HLCS: variants seen among roughly 807,000 people sequenced by gnomAD.
The protein encoded by HLCS is biotin--protein ligase.
A neutral mutation model predicts 75.0 loss-of-function variants in HLCS; 53 were observed. The ratio of observed to expected loss-of-function variants is 0.71; its 90% confidence interval spans 0.57 to 0.89. The LOEUF is 0.89. Ranked by LOEUF, HLCS falls within the 40% of genes least tolerant of loss-of-function variation. HLCS has a pLI of 0.00. For missense variants in HLCS, 966 were observed against 1,074.0 expected (o/e 0.90, Z 1.41); for synonymous variants, 431 against 428.6 (o/e 1.01, Z -0.07).
intron 6 of HLCS, among the ~76,000 whole-genome samples, chr21:36,878,011 T>C (rs1057340644): frequency 3.3e-5 from 5 of 152,154 alleles, no homozygotes; most frequent in African/African-American, 1.2e-4. Context: ...GTACTTGTTT[T>C]TTTTTTTAAT....
chr21:36,954,695 GTGTTTTCTA>G, intron 2 of HLCS, among the ~76,000 whole-genome samples: 1 of 152,168 alleles, frequency 6.6e-6, no homozygotes, highest in Admixed American at 6.5e-5. Flanking sequence ...ACTGGTTTAT[GTGTTTTCTA>G]TGTTTTCTAT....
chr21:36,760,522 A>G (rs2089792073), intron 8 of HLCS, among the ~76,000 whole-genome samples: 1 of 151,648 alleles, frequency 6.6e-6, no homozygotes, highest in Admixed American at 6.6e-5. Context: ...AGGCAGGAGA[A>G]TTGTGCGAAC....
At chr21:36,883,596 C>T (rs1180708268) in intron 6 of HLCS, among the ~76,000 whole-genome samples, 2 of 152,222 alleles carry the variant, frequency 1.3e-5, no homozygotes, top group Admixed American at 1.3e-4. Flanking sequence ...AGATTTCTTA[C>T]TGCATCAGAA....
At chr21:36,762,205 C>T (rs1015494914) in intron 8 of HLCS, among the ~76,000 whole-genome samples, 3 of 152,186 alleles carry the variant, frequency 2.0e-5, no homozygotes, top group Admixed American at 6.5e-5. Flanking sequence ...CAAAGCCACA[C>T]GTGGTGGATA....
chr21:36,980,207 A>AAAT (rs1407023668), intron 1 of HLCS, among the ~76,000 whole-genome samples: 1 of 151,498 alleles, frequency 6.6e-6, no homozygotes, highest in Non-Finnish European at 1.5e-5. Flanking sequence ...AAAAAAAAAA[A>AAAT]AAATAGGAAG....
chr21:36,892,862 A>C (rs2064850650), intron 6 of HLCS, among the ~76,000 whole-genome samples: 1 of 152,212 alleles, frequency 6.6e-6, no homozygotes, highest in East Asian at 1.9e-4. Flanking sequence ...TCAATTGCTG[A>C]AGAAATGATA....
intron 6 of HLCS, among the ~76,000 whole-genome samples, chr21:36,806,438 T>C (rs1225116847): frequency 1.3e-5 from 2 of 152,062 alleles, no homozygotes; most frequent in Non-Finnish European, 2.9e-5. Flanking sequence ...CACATCTTTC[T>C]ACAACTTTTG....
In HLCS at chr21:36,896,883, G is replaced by A. The variant is rs769822408; in HGVS notation, c.1869C>T (p.Pro623=). The A allele has an allele frequency of 6.2e-7, 1 of 1,614,120 alleles. No individual in the cohort carries two copies. Residue 623 remains proline, a synonymous_variant, in exon 6 of 11, where the codon CCC becomes CCT. Coordinates refer to ENST00000674895, the MANE Select transcript of HLCS (RefSeq NM_001352514.2). ...ACCCATCCAGGAGACGCATCGTTGT[G>A]GGGGTCACTTCGGCAAACAAAATTA... ...GKVILFAEVT[P]TTMRLLDGLM... is the part of the protein sequence containing the mutation.
At chr21:36,976,204 T>C (rs73901992) in intron 1 of HLCS, among the ~76,000 whole-genome samples, 4,945 of 152,210 alleles carry the variant, frequency 0.032, 193 homozygotes, top group African/African-American at 0.092. Context: ...CCAGGTCAGT[T>C]GAACAGGCCG....
intron 6 of HLCS, among the ~76,000 whole-genome samples, chr21:36,886,160 C>A (rs979779893): frequency 6.6e-6 from 1 of 151,782 alleles, no homozygotes; most frequent in African/African-American, 2.4e-5. Flanking sequence ...GGCCAGGCAC[C>A]GTGGCTCAGG....
intron 5 of HLCS, among the ~76,000 whole-genome samples, chr21:36,909,859 G>A (rs1051086439): frequency 6.6e-6 from 1 of 152,142 alleles, no homozygotes; most frequent in Non-Finnish European, 1.5e-5. Context: ...TGTATGTTTT[G>A]GAGCTTCTTT....
intron 5 of HLCS, among the ~76,000 whole-genome samples, chr21:36,901,246 A>AT (rs1378929424): frequency 2.0e-5 from 3 of 151,928 alleles, no homozygotes; most frequent in African/African-American, 7.3e-5. Flanking sequence ...CGGTCTCAAA[A>AT]TTTTTTTTAA....
chr21:36,967,190 C>G (rs1309286072), upstream of HLCS, among the ~76,000 whole-genome samples: 1 of 152,110 alleles, frequency 6.6e-6, no homozygotes, highest in Non-Finnish European at 1.5e-5. Flanking sequence ...CCGGGAGTCC[C>G]AGAGCGCTCC....
intron 2 of HLCS, among the ~76,000 whole-genome samples, chr21:36,942,381 A>T (rs2067184610): frequency 7.0e-6 from 1 of 143,302 alleles, no homozygotes; most frequent in Non-Finnish European, 1.5e-5. Context: ...CCTGGGCGAC[A>T]GAGCAAGACT....
intron 5 of HLCS, among the ~76,000 whole-genome samples, chr21:36,921,929 G>A (rs1185592893): frequency 3.3e-5 from 5 of 152,142 alleles, no homozygotes; most frequent in South Asian, 2.1e-4. Flanking sequence ...ACAAAGGCAC[G>A]TTCTATCTCA....
chr21:36,811,615 C>G (rs2061513024), intron 6 of HLCS, among the ~76,000 whole-genome samples: 2 of 152,218 alleles, frequency 1.3e-5, no homozygotes, highest in African/African-American at 2.4e-5. Context: ...GCACAGTTTG[C>G]TTGTTACAGA....
At chr21:36,860,819 C>T (rs541963067) in intron 6 of HLCS, among the ~76,000 whole-genome samples, 2 of 152,144 alleles carry the variant, frequency 1.3e-5, no homozygotes, top group South Asian at 2.1e-4. Context: ...AACGCCTCAG[C>T]GGTTCAGATT....
chr21:36,865,665 G>T (rs746546203), intron 6 of HLCS, among the ~76,000 whole-genome samples: 1 of 152,210 alleles, frequency 6.6e-6, no homozygotes, highest in East Asian at 1.9e-4. Flanking sequence ...TGTTCCAAAC[G>T]AATAGTAAAC....
At chr21:36,870,840 G>A (rs1187170026) in intron 6 of HLCS, among the ~76,000 whole-genome samples, 1 of 152,146 alleles carries the variant, frequency 6.6e-6, no homozygotes, top group Non-Finnish European at 1.5e-5. Context: ...AAAGACCTGG[G>A]CAGAAGGGTT....
Sources: allele counts gnomAD v4.1 joint callset (sites outside exome capture counted in the v4.1 genomes callset), GRCh38; gene constraint gnomAD v4.1.1; transcripts MANE v1.5; gene names NCBI Gene and HGNC (gene_info 2026-07-23, HGNC 2026-07-21).